The following ADD3 variants were observed in gnomAD, a reference collection of about 807,000 sequenced individuals.
ADD3 encodes the protein adducin 3.
Under a neutral mutation model 80.2 loss-of-function variants are expected in ADD3, and 25 were observed. The observed-to-expected ratio is 0.31, with a 90% CI of 0.23 to 0.44. The LOEUF (loss-of-function observed/expected upper bound fraction) is 0.44, where lower values mean the gene tolerates loss of function less well. Ranked by LOEUF, ADD3 falls within the 20% of genes least tolerant of loss-of-function variation. The probability of loss-of-function intolerance (pLI) is 1.00; values close to 1 mark genes in which losing one functional copy is unlikely to be tolerated. For synonymous variants in ADD3, 284 were observed against 289.6 expected (o/e 0.98, Z 0.20); for missense variants, 829 against 847.5 (o/e 0.98, Z 0.27).
chr10:110,119,107 A>G (rs987302841), intron 6 of ADD3, 104 bp from the exon 7 acceptor site: 3 of 1,244,390 alleles, frequency 2.4e-6, no homozygotes, highest in Non-Finnish European at 3.4e-6. Context: ...GGTGAAACAC[A>G]GTGAATAGGC....
At chr10:110,015,062 A>G (rs997530143) in intron 1 of ADD3, among the ~76,000 whole-genome samples, 1 of 151,946 alleles carries the variant, frequency 6.6e-6, no homozygotes, top group Non-Finnish European at 1.5e-5. Flanking sequence ...TTTAGTAGAG[A>G]TGGGGTTTCA....
chr10:110,032,979 A>G (rs1304571225), intron 1 of ADD3, among the ~76,000 whole-genome samples: 1 of 152,194 alleles, frequency 6.6e-6, no homozygotes, highest in Non-Finnish European at 1.5e-5. Flanking sequence ...TCTCATCCCT[A>G]GGCTTTATAA....
intron 1 of ADD3, among the ~76,000 whole-genome samples, chr10:110,100,097 C>A (rs1848629763): frequency 6.6e-6 from 1 of 152,022 alleles, no homozygotes; most frequent in African/African-American, 2.4e-5. Context: ...GCCTATAATC[C>A]CAATGCTTTG....
At chr10:110,006,750 AGG>A (rs35613415), upstream of ADD3, among the ~76,000 whole-genome samples, 3 of 151,262 alleles carry the variant, frequency 2.0e-5, no homozygotes, top group South Asian at 6.3e-4. Context: ...TTTAGGGAGG[AGG>A]GGGGGGATGA....
At chr10:110,001,509 T>C (rs749119438), upstream of ADD3, among the ~76,000 whole-genome samples, 17 of 152,184 alleles carry the variant, frequency 1.1e-4, no homozygotes, top group Non-Finnish European at 2.4e-4. Flanking sequence ...TTTGTGCTTA[T>C]CTGAATCTCT....
chr10:110,085,233 G>T (rs1381787281), intron 1 of ADD3, among the ~76,000 whole-genome samples: 4 of 152,220 alleles, frequency 2.6e-5, no homozygotes, highest in African/African-American at 9.6e-5. Flanking sequence ...CCACAAGCTT[G>T]CATGGCAGTT....
At chr10:110,049,225 G>A (rs919571102) in intron 1 of ADD3, among the ~76,000 whole-genome samples, 6 of 152,228 alleles carry the variant, frequency 3.9e-5, no homozygotes, top group Admixed American at 2.6e-4. Flanking sequence ...GTATGGAAAC[G>A]CCTGGATTCC....
intron 2 of ADD3, among the ~76,000 whole-genome samples, chr10:110,111,077 C>T (rs573345616): frequency 2.0e-5 from 3 of 152,136 alleles, no homozygotes; most frequent in Admixed American, 1.3e-4. Context: ...TTATTCCTAC[C>T]GTCACGAGGC....
intron 1 of ADD3, among the ~76,000 whole-genome samples, chr10:110,099,372 C>A (rs1256212665): frequency 6.6e-6 from 1 of 152,130 alleles, no homozygotes; most frequent in Admixed American, 6.5e-5. Flanking sequence ...AGCATATATT[C>A]ATTCTCAATT....
chr10:110,117,494 C>A, intron 5 of ADD3, 72 bp downstream of exon 5: 1 of 897,358 alleles, frequency 1.1e-6, no homozygotes, highest in Non-Finnish European at 1.9e-6. Flanking sequence ...TAGCTTTTAG[C>A]ACAGGACAGA....
intron 1 of ADD3, among the ~76,000 whole-genome samples, chr10:110,061,539 A>C (rs1007214209): frequency 2.0e-5 from 3 of 152,240 alleles, no homozygotes; most frequent in African/African-American, 7.2e-5. Flanking sequence ...ACACTTCTGC[A>C]GTGCCCATAA....
intron 1 of ADD3, among the ~76,000 whole-genome samples, chr10:110,021,651 G>C (rs914290013): frequency 6.6e-6 from 1 of 152,122 alleles, no homozygotes; most frequent in African/African-American, 2.4e-5. Flanking sequence ...GAAATGTCTA[G>C]AATAGACATT....
chr10:110,054,614 CT>C (rs1217850834), intron 1 of ADD3, among the ~76,000 whole-genome samples: 2,274 of 120,996 alleles, frequency 0.019, 48 homozygotes, highest in African/African-American at 0.055. Flanking sequence ...GGCAAAATTT[CT>C]TTTTTTTTTT....
rs1590238988 is a variant in ADD3 at position 110,126,551 on chromosome 10, A to G, written c.1608+48A>G. The G allele has an allele frequency of 3.2e-6, 4 of 1,264,282 alleles. No individual in the cohort carries two copies. In the East Asian group the frequency reaches 9.5e-5, roughly 30 times the overall value. The allele number at this position is 1,264,282 out of a possible 1,614,324, so 78.3% of individuals were successfully genotyped here. On this transcript the variant is annotated intron_variant, in intron 12 of 14. Coordinates refer to ENST00000356080, the MANE Select transcript of ADD3 (RefSeq NM_016824.5). Reference sequence around the variant, plus strand: ...TCTTTGTTTTTTATTTACCACATTAATTTCATTGATTTTTAAATATGAATA... The same window carrying G: ...TCTTTGTTTTTTATTTACCACATTAGTTTCATTGATTTTTAAATATGAATA...
At chr10:110,052,678 G>A (rs1057070177) in intron 1 of ADD3, among the ~76,000 whole-genome samples, 1 of 152,186 alleles carries the variant, frequency 6.6e-6, no homozygotes, top group African/African-American at 2.4e-5. Context: ...CTCCTCCTGT[G>A]CATAAAGATA....
chr10:110,087,962 C>T (rs569187544), intron 1 of ADD3, among the ~76,000 whole-genome samples: 3 of 152,248 alleles, frequency 2.0e-5, no homozygotes, highest in South Asian at 2.1e-4. Context: ...TGCCCCTCCC[C>T]GGGCTTCTCA....
chr10:110,055,546 A>ATTT (rs57819139), intron 1 of ADD3, among the ~76,000 whole-genome samples: 2 of 151,552 alleles, frequency 1.3e-5, no homozygotes, highest in African/African-American at 4.8e-5. Flanking sequence ...TTTTTCCTTG[A>ATTT]TTTTTTTTTC....
At chr10:110,041,247 A>G (rs756470660) in intron 1 of ADD3, among the ~76,000 whole-genome samples, 19 of 152,244 alleles carry the variant, frequency 1.2e-4, no homozygotes, top group Non-Finnish European at 2.4e-4. Context: ...CTGTGAATTA[A>G]TAACAGGAGA....
intron 1 of ADD3, among the ~76,000 whole-genome samples, chr10:110,079,472 G>GTT (rs1845808246): frequency 6.9e-6 from 1 of 144,712 alleles, no homozygotes; most frequent in Non-Finnish European, 1.5e-5. Flanking sequence ...GTGTGTGTGT[G>GTT]TGTGTGTGTG....
Sources: gnomAD v4.1 joint callset for allele counts (sites outside exome capture counted in the v4.1 genomes callset) on GRCh38, gnomAD v4.1.1 for gene constraint, MANE v1.5 for transcripts, NCBI Gene and HGNC (gene_info 2026-07-23, HGNC 2026-07-21) for gene names.